The following FSTL5 variants were observed in gnomAD, a reference collection of about 807,000 sequenced individuals.
FSTL5 encodes the protein follistatin-related protein 5.
FSTL5 carries 62 observed loss-of-function variants against 89.1 expected under a neutral mutation model. That is an observed-to-expected ratio of 0.70 (90% CI 0.57 to 0.86). The LOEUF is 0.86. Ranked by LOEUF, FSTL5 falls within the 40% of genes least tolerant of loss-of-function variation. The pLI is 0.00. For synonymous variants in FSTL5, 383 were observed against 346.2 expected, an observed-to-expected ratio of 1.11 and a Z score of -1.18; for missense variants, 1,057 against 1,001.6, an observed-to-expected ratio of 1.06 and a Z score of -0.75.
At chr4:161,475,060 A>G (rs1411296226) in intron 13 of FSTL5, among the ~76,000 whole-genome samples, 1 of 146,514 alleles carries the variant, frequency 6.8e-6, no homozygotes, top group African/African-American at 2.6e-5. Context: ...TAGTATGCCG[A>G]ACGTATGGAT....
intron 7 of FSTL5, among the ~76,000 whole-genome samples, chr4:161,613,194 T>G (rs575126189): frequency 6.6e-6 from 1 of 152,170 alleles, no homozygotes. Flanking sequence ...GGTTCACGCC[T>G]GTTATCCCAG....
chr4:161,774,687 CT>C (rs201671306), intron 5 of FSTL5, among the ~76,000 whole-genome samples: 1 of 150,868 alleles, frequency 6.6e-6, no homozygotes, highest in East Asian at 1.9e-4. Flanking sequence ...GAAAAAAAAA[CT>C]CTCAAAATAA....
intron 4 of FSTL5, among the ~76,000 whole-genome samples, chr4:161,790,335 A>T (rs1273254694): frequency 6.6e-6 from 1 of 152,208 alleles, no homozygotes; most frequent in East Asian, 1.9e-4. Context: ...AAGCTATGGG[A>T]GCAAGTATAG....
At chr4:161,533,939 A>G (rs549736346) in intron 10 of FSTL5, among the ~76,000 whole-genome samples, 1 of 152,248 alleles carries the variant, frequency 6.6e-6, no homozygotes, top group African/African-American at 2.4e-5. Context: ...ATGCAAATCA[A>G]CAAATGTAAT....
chr4:161,508,952 T>TA (rs1387278635), intron 11 of FSTL5, among the ~76,000 whole-genome samples: 1 of 152,210 alleles, frequency 6.6e-6, no homozygotes, highest in Non-Finnish European at 1.5e-5. Context: ...ATTTCAATGA[T>TA]AAAATAAAAT....
chr4:162,154,130 A>AT (rs1414962500), intron 1 of FSTL5, among the ~76,000 whole-genome samples: 1 of 151,976 alleles, frequency 6.6e-6, no homozygotes, highest in Admixed American at 6.6e-5. Flanking sequence ...TCTCAATAAT[A>AT]TTTTTTAAAG....
chr4:161,947,380 A>G (rs758264759), intron 3 of FSTL5, among the ~76,000 whole-genome samples: 4 of 152,090 alleles, frequency 2.6e-5, no homozygotes, highest in Non-Finnish European at 5.9e-5. Context: ...TCTACACTTT[A>G]TGTTTTAAGA....
At chr4:161,726,230 T>TATTTA (rs200665500) in intron 6 of FSTL5, among the ~76,000 whole-genome samples, 21 of 141,908 alleles carry the variant, frequency 1.5e-4, no homozygotes, top group African/African-American at 4.9e-4. Context: ...TCTTTTTCTT[T>TATTTA]TTTTTTTTTT....
At chr4:161,634,245 C>A (rs1304909795) in intron 7 of FSTL5, among the ~76,000 whole-genome samples, 4 of 152,140 alleles carry the variant, frequency 2.6e-5, no homozygotes, top group Non-Finnish European at 4.4e-5. Flanking sequence ...TAATACAAAA[C>A]TTTCAAGTAT....
chr4:161,528,960 A>T (rs28621871), intron 10 of FSTL5, among the ~76,000 whole-genome samples: 4,448 of 127,378 alleles, frequency 0.035, 615 homozygotes, highest in African/African-American at 0.16. Context: ...ATAAAATTTC[A>T]TCATCATCAT....
chr4:162,094,485 G>A (rs1246941255), intron 2 of FSTL5, among the ~76,000 whole-genome samples: 1 of 152,120 alleles, frequency 6.6e-6, no homozygotes, highest in Non-Finnish European at 1.5e-5. Flanking sequence ...CAATAGTAGA[G>A]TGGATAATAA....
intron 15 of FSTL5, among the ~76,000 whole-genome samples, chr4:161,439,818 C>G (rs1347176481): frequency 6.6e-6 from 1 of 152,010 alleles, no homozygotes; most frequent in African/African-American, 2.4e-5. Flanking sequence ...ATTTTTTATG[C>G]AAAATTAAGT....
intron 1 of FSTL5, among the ~76,000 whole-genome samples, chr4:162,163,101 C>T (rs558436754): frequency 3.0e-4 from 46 of 152,194 alleles, no homozygotes; most frequent in African/African-American, 1.1e-3. Flanking sequence ...CCTACCTCCT[C>T]CCTTCCAAAA....
intron 7 of FSTL5, among the ~76,000 whole-genome samples, chr4:161,623,424 A>G (rs1735210345): frequency 6.7e-6 from 1 of 149,158 alleles, no homozygotes; most frequent in South Asian, 2.1e-4. Context: ...AAATTATCCT[A>G]CATTTTAATT....
At chr4:161,910,040 C>G (rs764271595) in intron 4 of FSTL5, among the ~76,000 whole-genome samples, 1 of 151,960 alleles carries the variant, frequency 6.6e-6, no homozygotes, top group Non-Finnish European at 1.5e-5. Flanking sequence ...TCTGTTTTAC[C>G]AAAAGCTACC....
At chr4:161,842,321 TAA>T (rs1189972239) in intron 4 of FSTL5, among the ~76,000 whole-genome samples, 3 of 152,154 alleles carry the variant, frequency 2.0e-5, no homozygotes, top group African/African-American at 4.8e-5. Context: ...ACTATGAGAC[TAA>T]GAGTGATTTA....
At position 161,795,343 on chromosome 4, in the gene FSTL5, G is replaced by A. The variant is rs1159610304; in HGVS notation, c.410-19269C>T. On this transcript the variant is annotated intron_variant, in intron 4 of 15. Transcript: ENST00000306100. ...GGCACTAAATTATCTGTATTCCAAAGGGGTAAGTAATTTGAAGACCAGAAA... is the reference window on the plus strand; with the variant it reads ...GGCACTAAATTATCTGTATTCCAAAAGGGTAAGTAATTTGAAGACCAGAAA... 2.0e-5 allele frequency among the ~76,000 whole-genome samples: 3 copies of A among 152,014 alleles called. No homozygotes were observed. The East Asian group carries it at 5.8e-4, about 29-fold the overall frequency.
At chr4:162,010,479 C>G (rs76840953) in intron 3 of FSTL5, among the ~76,000 whole-genome samples, 3,263 of 152,180 alleles carry the variant, frequency 0.021, 152 homozygotes, top group East Asian at 0.19. Context: ...GTAGTTCACT[C>G]TTTTACAGTG....
chr4:162,022,242 A>T (rs575019886), intron 3 of FSTL5, among the ~76,000 whole-genome samples: 1 of 152,130 alleles, frequency 6.6e-6, no homozygotes, highest in Non-Finnish European at 1.5e-5. Flanking sequence ...TTAAACAAGT[A>T]ATTAAAAAAC....
Sources: gnomAD v4.1 joint callset for allele counts (sites outside exome capture counted in the v4.1 genomes callset) on GRCh38, gnomAD v4.1.1 for gene constraint, MANE v1.5 for transcripts, NCBI Gene and HGNC (gene_info 2026-07-23, HGNC 2026-07-21) for gene names.